The following DEUP1 variants were observed in gnomAD, a reference collection of about 807,000 sequenced individuals.
The protein encoded by DEUP1 is coiled-coil domain containing 67.
DEUP1 carries 82 observed loss-of-function variants against 87.4 expected under a neutral mutation model. The ratio of observed to expected loss-of-function variants is 0.94; its 90% CI spans 0.78 to 1.13. The LOEUF is 1.13. Ranked by LOEUF, DEUP1 falls within the 50% of genes most tolerant of loss-of-function variation. The probability of loss-of-function intolerance (pLI) is 0.00; values close to 1 mark genes in which losing one functional copy is unlikely to be tolerated. For synonymous variants in DEUP1, 214 were observed against 222.7 expected (o/e 0.96, Z 0.35); for missense variants, 663 against 681.5 (o/e 0.97, Z 0.30).
chr11:93,362,696 G>A (rs568985134), intron 4 of DEUP1, among the ~76,000 whole-genome samples: 1 of 151,882 alleles, frequency 6.6e-6, no homozygotes, highest in East Asian at 1.9e-4. Context: ...CCACTCCTAG[G>A]TATATACCCA....
intron 2 of DEUP1, among the ~76,000 whole-genome samples, chr11:93,339,846 AGTTCCTCC>A (rs1943969575): frequency 6.6e-6 from 1 of 152,162 alleles, no homozygotes; most frequent in Admixed American, 6.5e-5. Flanking sequence ...AGTAATGAGG[AGTTCCTCC>A]CTCCAAGTGG....
chr11:93,389,229 T>C (rs1946691687), intron 9 of DEUP1, 104 bp downstream of exon 9: 1 of 687,642 alleles, frequency 1.5e-6, no homozygotes, highest in Non-Finnish European at 2.5e-6. Context: ...GTTTTCCTTC[T>C]GTATTTTTTT....
At chr11:93,418,320 C>G (rs1050659708) in intron 13 of DEUP1, among the ~76,000 whole-genome samples, 6 of 151,898 alleles carry the variant, frequency 4.0e-5, no homozygotes, top group African/African-American at 1.2e-4. Flanking sequence ...ACAATCAACT[C>G]AAACAAATTT....
intron 10 of DEUP1, 109 bp from the exon 11 acceptor site, chr11:93,396,130 T>A: frequency 1.4e-6 from 1 of 705,470 alleles, no homozygotes; most frequent in South Asian, 1.7e-5. Context: ...CGAAGAAGTG[T>A]TTCCCTTCAT....
At chr11:93,359,238 C>A (rs1945046076) in intron 4 of DEUP1, among the ~76,000 whole-genome samples, 1 of 152,184 alleles carries the variant, frequency 6.6e-6, no homozygotes, top group African/African-American at 2.4e-5. Flanking sequence ...GGTTTATTTA[C>A]AATTTCATTT....
At chr11:93,362,042 T>G (rs897807579) in intron 4 of DEUP1, among the ~76,000 whole-genome samples, 9 of 152,058 alleles carry the variant, frequency 5.9e-5, no homozygotes, top group African/African-American at 2.2e-4. Flanking sequence ...GAGCCCTACC[T>G]TAAACCACAG....
In DEUP1 at chr11:93,370,067, TAAAA is replaced by T; in HGVS notation, c.433-5_433-2del. On this transcript the variant is annotated splice_acceptor_variant and splice_polypyrimidine_tract_variant and intron_variant, in intron 5 of 13. Transcript: ENST00000298050. LOFTEE classifies it high-confidence loss of function. ...TAAATATGTTTGTCTCCCCACTTTT[TAAAA>T]GGAATTTAGAGCAAAGTCAAGAGAA... 6.6e-7 allele frequency: 1 copy of T among 1,519,224 alleles called. No homozygotes were observed. The highest frequency in any genetic ancestry group is 9.1e-7 in the Non-Finnish European group (1 of 1,100,984). The allele number at this position is 1,519,224 out of a possible 1,614,324, so 94.1% of individuals were successfully genotyped here.
At chr11:93,416,366 C>G (rs1469301531) in intron 13 of DEUP1, among the ~76,000 whole-genome samples, 2 of 152,196 alleles carry the variant, frequency 1.3e-5, no homozygotes, top group Admixed American at 1.3e-4. Flanking sequence ...ACCGATCCCA[C>G]AGAAATACAA....
intron 12 of DEUP1, among the ~76,000 whole-genome samples, chr11:93,414,793 G>A (rs939150647): frequency 5.5e-4 from 84 of 152,100 alleles, no homozygotes; most frequent in Non-Finnish European, 8.5e-4. Flanking sequence ...TAAGTTTTCT[G>A]CTTCATTTTT....
At chr11:93,383,411 T>C (rs1189504698) in intron 7 of DEUP1, 45 of 439,306 alleles carry the variant, frequency 1.0e-4, no homozygotes, top group Middle Eastern at 3.4e-4. Flanking sequence ...ACATCTAGAA[T>C]AGGCAATTCC....
intron 11 of DEUP1, among the ~76,000 whole-genome samples, chr11:93,406,684 A>T (rs1164636730): frequency 6.6e-6 from 1 of 151,912 alleles, no homozygotes; most frequent in Non-Finnish European, 1.5e-5. Context: ...TTAAAATCAC[A>T]TGGAAAACAT....
intron 9 of DEUP1, among the ~76,000 whole-genome samples, chr11:93,390,961 A>T (rs1034850816): frequency 1.3e-5 from 2 of 152,148 alleles, no homozygotes; most frequent in African/African-American, 4.8e-5. Context: ...AGGCGCCTGT[A>T]ATCCCAGCTA....
At chr11:93,409,840 A>G (rs1947386351) in intron 12 of DEUP1, among the ~76,000 whole-genome samples, 1 of 152,224 alleles carries the variant, frequency 6.6e-6, no homozygotes, top group Non-Finnish European at 1.5e-5. Flanking sequence ...AATGTTAACC[A>G]TTATTACTAA....
chr11:93,402,507 T>G (rs1412647480), intron 11 of DEUP1, among the ~76,000 whole-genome samples: 5 of 151,940 alleles, frequency 3.3e-5, no homozygotes, highest in African/African-American at 1.2e-4. Flanking sequence ...CACTACTGGG[T>G]ATATATCCAA....
At chr11:93,364,321 A>G (rs1565309169) in intron 5 of DEUP1, 27 bp downstream of exon 5, 2 of 1,588,690 alleles carry the variant, frequency 1.3e-6, no homozygotes, top group East Asian at 2.2e-5. Flanking sequence ...TAGTTTCTTC[A>G]TGTGTATTAA....
intron 5 of DEUP1, among the ~76,000 whole-genome samples, chr11:93,366,355 A>C (rs1945416065): frequency 6.6e-6 from 1 of 152,196 alleles, no homozygotes; most frequent in African/African-American, 2.4e-5. Flanking sequence ...AATATTTATT[A>C]GAGGGCTTTT....
intron 5 of DEUP1, among the ~76,000 whole-genome samples, chr11:93,366,413 C>A (rs1158148278): frequency 2.0e-5 from 3 of 152,096 alleles, no homozygotes; most frequent in Non-Finnish European, 4.4e-5. Context: ...TTTTAATGAC[C>A]CTGATCCACT....
chr11:93,346,855 G>A (rs1214797259), intron 2 of DEUP1, among the ~76,000 whole-genome samples: 1 of 152,108 alleles, frequency 6.6e-6, no homozygotes, highest in South Asian at 2.1e-4. Context: ...AACTGTTGTT[G>A]GTGTGTAGGA....
At chr11:93,373,631 A>G (rs201221382) in intron 7 of DEUP1, among the ~76,000 whole-genome samples, 58,739 of 133,290 alleles carry the variant, frequency 0.44, 13,346 homozygotes, top group Admixed American at 0.61. Flanking sequence ...ATACGTATAT[A>G]TATATATATA....
Sources: gnomAD v4.1 joint callset for allele counts (sites outside exome capture counted in the v4.1 genomes callset) on GRCh38, gnomAD v4.1.1 for gene constraint, MANE v1.5 for transcripts, NCBI Gene and HGNC (gene_info 2026-07-23, HGNC 2026-07-21) for gene names.